NFIC: variants seen among roughly 807,000 people sequenced by gnomAD.
NFIC encodes the protein nuclear factor 1 C-type.
NFIC carries 12 observed loss-of-function variants against 54.4 expected under a neutral mutation model. The observed-to-expected ratio is 0.22, with a 90% CI of 0.14 to 0.36. NFIC has a LOEUF of 0.36. Among genes scored for constraint, NFIC ranks in the 10% least tolerant of loss-of-function variants. The pLI is 1.00. For synonymous variants in NFIC, 322 were observed against 319.2 expected (o/e 1.01, Z -0.09); for missense variants, 575 against 718.2 (o/e 0.80, Z 2.28).
At position 3,405,552 on chromosome 19, in the gene NFIC, G is replaced by A. The variant is rs182654012; in HGVS notation, c.563-19554G>A. Among the ~76,000 whole-genome samples, 92 of 151,974 alleles carry A rather than the reference G, an allele frequency of 6.1e-4. No homozygotes were observed. In the East Asian group the frequency reaches 6.4e-3, roughly 11 times the overall value. ...GAGGAAGTTCTCTATGGAGGATCAGGGTCCGTACTGGAATTCCTTTCTATT... is the reference window on the plus strand; with the variant it reads ...GAGGAAGTTCTCTATGGAGGATCAGAGTCCGTACTGGAATTCCTTTCTATT... On this transcript the variant is annotated intron_variant, in intron 2 of 10. Coordinates refer to ENST00000443272, the MANE Select transcript of NFIC (RefSeq NM_001245002.2).
chr19:3,403,851 C>G (rs1379427747), intron 2 of NFIC, among the ~76,000 whole-genome samples: 1 of 152,118 alleles, frequency 6.6e-6, no homozygotes, highest in Non-Finnish European at 1.5e-5. Context: ...CCGGCTGCCC[C>G]CACCCGGTGC....
chr19:3,412,150 A>C (rs976095350), intron 2 of NFIC, among the ~76,000 whole-genome samples: 5 of 151,952 alleles, frequency 3.3e-5, no homozygotes, highest in Non-Finnish European at 7.4e-5. Flanking sequence ...TGGTGCGATC[A>C]TAGCTCACTG....
intron 1 of NFIC, among the ~76,000 whole-genome samples, chr19:3,372,245 T>C (rs1258322284): frequency 6.6e-6 from 1 of 152,054 alleles, no homozygotes. Flanking sequence ...GGTCTCAAAC[T>C]CCTGACCTCA....
chr19:3,385,201 A>AT (rs777390934), intron 2 of NFIC, among the ~76,000 whole-genome samples: 19 of 102,966 alleles, frequency 1.8e-4, no homozygotes, highest in African/African-American at 6.4e-4. Context: ...AGCAGGGCAC[A>AT]CCCCCCCCCA....
rs184379643 is a variant in NFIC, at chr19:3,436,301, C to A, written c.958+1094C>A. Among the ~76,000 whole-genome samples, 506 of 139,434 alleles carry A rather than the reference C, an allele frequency of 3.6e-3. 3 individuals are homozygous for A. The highest frequency in any genetic ancestry group is 0.013 in the African/African-American group (481 of 37,498). 91.5% of individuals were successfully genotyped at this position (139,434 alleles called of 152,430 possible). On this transcript the variant is annotated intron_variant, in intron 6 of 10. Transcript: ENST00000443272. Reference sequence around the variant, plus strand: ...CGGACTGCAGGTGCATACTGCCATGCGCCGTTAATTTTTTTTTTTTTTTTT... The same window carrying A: ...CGGACTGCAGGTGCATACTGCCATGAGCCGTTAATTTTTTTTTTTTTTTTT...
chr19:3,444,688 A>G (rs1225476677), intron 6 of NFIC, among the ~76,000 whole-genome samples: 1 of 152,220 alleles, frequency 6.6e-6, no homozygotes, highest in Non-Finnish European at 1.5e-5. Context: ...AGTCTGAGCC[A>G]GACTATTTCC....
Position 3,464,936 on chromosome 19 carries a change from G to C in NFIC, c.*2167G>C, listed in dbSNP as rs2082697009. ...TGTCCGGAAGCTTCTCAGCCAGGGT[G>C]GGGGTCGTGGAGTGGGGGAGGGAGG... On this transcript the variant is annotated 3_prime_UTR_variant, in exon 11 of 11. Transcript: ENST00000443272. 6.4e-6 allele frequency: 1 copy of C among 155,404 alleles called. No homozygotes were observed. Among genetic ancestry groups the C allele is most frequent in the Admixed American group, 6.6e-5 (1 of 15,232 alleles). 9.6% of individuals were successfully genotyped at this position (155,404 alleles called of 1,614,324 possible). A position where few individuals can be genotyped will look rare whatever the true frequency, so the allele number is the denominator to read the frequency against.
chr19:3,390,128 G>A (rs955037651), intron 2 of NFIC, among the ~76,000 whole-genome samples: 7 of 152,230 alleles, frequency 4.6e-5, no homozygotes, highest in African/African-American at 4.8e-5. Flanking sequence ...TGGGGGCACC[G>A]TGACCCAGGA....
chr19:3,463,049 C>T lies in NFIC; in HGVS notation c.*280C>T. 7.4e-7 allele frequency: 1 copy of T among 1,342,398 alleles called. No homozygotes were observed. The highest frequency in any genetic ancestry group is 9.5e-7 in the Non-Finnish European group (1 of 1,050,054). 83.2% of individuals were successfully genotyped at this position (1,342,398 alleles called of 1,614,324 possible). A position where few individuals can be genotyped will look rare whatever the true frequency, so the allele number is the denominator to read the frequency against. ...TCCAACTCTCGGGACGCCAAGGCCG[C>T]AGGACTGGAGGGCCAGGCCCCGCCA... On this transcript the variant is annotated 3_prime_UTR_variant, in exon 11 of 11. Coordinates refer to ENST00000443272, the MANE Select transcript of NFIC (RefSeq NM_001245002.2).
chr19:3,377,275 A>C (rs989691066), intron 1 of NFIC, among the ~76,000 whole-genome samples: 11 of 135,090 alleles, frequency 8.1e-5, no homozygotes, highest in African/African-American at 3.1e-4. Context: ...TAGAGTTTGC[A>C]GTGAGCTGAG....
At chr19:3,393,520 G>T (rs1315555299) in intron 2 of NFIC, among the ~76,000 whole-genome samples, 1 of 151,686 alleles carries the variant, frequency 6.6e-6, no homozygotes, top group Non-Finnish European at 1.5e-5. Context: ...GGGTCCAGGA[G>T]AAATAGAATG....
At chr19:3,461,369 G>C (rs951887708) in intron 10 of NFIC, among the ~76,000 whole-genome samples, 1 of 152,120 alleles carries the variant, frequency 6.6e-6, no homozygotes, top group Non-Finnish European at 1.5e-5. Flanking sequence ...GCTGCAGTGA[G>C]CTATGATGGC....
At chr19:3,446,543 G>A (rs1318895203) in intron 6 of NFIC, among the ~76,000 whole-genome samples, 1 of 152,220 alleles carries the variant, frequency 6.6e-6, no homozygotes, top group Non-Finnish European at 1.5e-5. Context: ...GGGCCAGGTC[G>A]AAGGGAAGCT....
At chr19:3,372,712 T>TGGGGG (rs60871309) in intron 1 of NFIC, among the ~76,000 whole-genome samples, 3 of 126,248 alleles carry the variant, frequency 2.4e-5, no homozygotes, top group South Asian at 2.6e-4. Context: ...AGGAGTGGGG[T>TGGGGG]GGGGGGGTGC....
At chr19:3,363,077 C>T (rs2080830520), upstream of NFIC, among the ~76,000 whole-genome samples, 2 of 152,012 alleles carry the variant, frequency 1.3e-5, no homozygotes, top group South Asian at 4.1e-4. Context: ...TGGAACCCCG[C>T]TCCAGAATGT....
In NFIC at chr19:3,386,463, C is replaced by T. The variant is rs531400759; in HGVS notation, c.562+4220C>T. Among the ~76,000 whole-genome samples, 137 of 151,970 alleles carry T rather than the reference C, an allele frequency of 9.0e-4. 1 individual carries two copies. The highest frequency in any genetic ancestry group is 3.1e-3 in the African/African-American group (129 of 41,474). ...TCAGCCTCCCGAGTAGCTGAGATTA[C>T]AGGCGAGCGCCACCACACCTGGCCA... On this transcript the variant is annotated intron_variant, in intron 2 of 10. Transcript: ENST00000443272.
At chr19:3,402,722 G>C (rs761612810) in intron 2 of NFIC, among the ~76,000 whole-genome samples, 1 of 152,222 alleles carries the variant, frequency 6.6e-6, no homozygotes, top group Non-Finnish European at 1.5e-5. Context: ...TGAGAAGGGA[G>C]CATTTGAGCT....
At chr19:3,415,878 C>A (rs2081845562) in intron 2 of NFIC, among the ~76,000 whole-genome samples, 1 of 152,022 alleles carries the variant, frequency 6.6e-6, no homozygotes, top group Admixed American at 6.6e-5. Context: ...CTTCCCTGGC[C>A]AGGCGAGGTG....
chr19:3,420,935 A>C (rs139582806), intron 2 of NFIC, among the ~76,000 whole-genome samples: 12 of 152,274 alleles, frequency 7.9e-5, no homozygotes, highest in African/African-American at 2.9e-4. Context: ...GTGGGGCAGA[A>C]TGGTCTTGAA....
Sources: gnomAD v4.1 joint callset for allele counts (sites outside exome capture counted in the v4.1 genomes callset) on GRCh38, gnomAD v4.1.1 for gene constraint, MANE v1.5 for transcripts, NCBI Gene and HGNC (gene_info 2026-07-23, HGNC 2026-07-21) for gene names.